Variants in APAF1 observed in about 807,000 individuals in gnomAD.
The protein encoded by APAF1 is apoptotic protease-activating factor 1.
In APAF1, 91 loss-of-function variants were observed where a neutral mutation model predicts 152.4. That is an observed-to-expected ratio of 0.60 (90% CI 0.50 to 0.71). The LOEUF (loss-of-function observed/expected upper bound fraction) is 0.71. Ranked by LOEUF, APAF1 falls within the 30% of genes least tolerant of loss-of-function variation. The pLI, the probability that APAF1 is intolerant of heterozygous loss-of-function variation, is 0.00. For synonymous variants in APAF1, 484 were observed against 494.1 expected (o/e 0.98, Z 0.27); for missense variants, 1,283 against 1,472.0 (o/e 0.87, Z 2.10).
At chr12:98,653,691 AATATATATATATATATATATAT>A (rs1346621120) in intron 4 of APAF1, among the ~76,000 whole-genome samples, 3 of 15,102 alleles carry the variant, frequency 2.0e-4, no homozygotes, top group South Asian at 3.1e-3. Context: ...AAAAAAAAAA[AATATATATATATATATATATAT>A]ATATATATAT....
chr12:98,669,898 C>CTG (rs1297708692), intron 10 of APAF1, among the ~76,000 whole-genome samples: 1 of 137,262 alleles, frequency 7.3e-6, no homozygotes, highest in Non-Finnish European at 1.5e-5. Context: ...TCCCCTCTTC[C>CTG]TGCCCTCCCC....
chr12:98,677,552 GTAAAACACATCTCT>G lies in APAF1; in HGVS notation c.1920+3_1920+16del, dbSNP rs2097687917. On this transcript the variant is annotated splice_donor_variant and splice_donor_5th_base_variant and intron_variant, in intron 13 of 26. Coordinates refer to ENST00000551964, the MANE Select transcript of APAF1 (RefSeq NM_181861.2). LOFTEE classifies it high-confidence loss of function. The stretch of plus-strand genomic sequence containing the variant: ...TTGTGGAGCTGATAAAACCTTACAG[GTAAAACACATCTCT>G]TGAGAAAAATGCAAAGAGGCATGTA... 6.2e-7 allele frequency: 1 copy of G among 1,613,986 alleles called. No individual in the cohort carries two copies. Among genetic ancestry groups the G allele is most frequent in the Admixed American group, 1.7e-5 (1 of 59,992 alleles).
intron 16 of APAF1, among the ~76,000 whole-genome samples, chr12:98,695,001 A>G (rs1353892480): frequency 6.8e-6 from 1 of 146,514 alleles, no homozygotes; most frequent in Non-Finnish European, 1.5e-5. Flanking sequence ...TTTGTCTTGA[A>G]CTGGTTGGGT....
intron 4 of APAF1, among the ~76,000 whole-genome samples, chr12:98,657,278 G>T (rs1180450433): frequency 6.6e-6 from 1 of 152,114 alleles, no homozygotes; most frequent in African/African-American, 2.4e-5. Context: ...TCCTCTCCTA[G>T]ACTTCAGCCA....
intron 20 of APAF1, 40 bp from the exon 21 acceptor site, chr12:98,712,279 C>A: frequency 8.4e-7 from 1 of 1,185,536 alleles, no homozygotes; most frequent in South Asian, 1.2e-5. Context: ...AAAAACTGCT[C>A]TTACAGCCTA....
At chr12:98,699,354 A>C (rs1163387382) in intron 16 of APAF1, 54 bp from the exon 17 acceptor site, 3 of 1,548,988 alleles carry the variant, frequency 1.9e-6, no homozygotes, top group Non-Finnish European at 2.6e-6. Context: ...AAATTCTAGA[A>C]GTGTGATTAT....
At chr12:98,721,554 A>G (rs960240226) in intron 22 of APAF1, among the ~76,000 whole-genome samples, 1 of 152,204 alleles carries the variant, frequency 6.6e-6, no homozygotes, top group Non-Finnish European at 1.5e-5. Context: ...TTGGGAAGCC[A>G]GAAATGCCTC....
At chr12:98,697,528 GTCA>G (rs1447047939) in intron 16 of APAF1, among the ~76,000 whole-genome samples, 3 of 152,158 alleles carry the variant, frequency 2.0e-5, no homozygotes, top group Non-Finnish European at 4.4e-5. Context: ...TTTTTAAAAA[GTCA>G]TCATTTGACA....
intron 4 of APAF1, among the ~76,000 whole-genome samples, chr12:98,653,143 A>T (rs1028559181): frequency 1.3e-5 from 2 of 151,970 alleles, no homozygotes; most frequent in African/African-American, 4.8e-5. Flanking sequence ...TATGTCCACT[A>T]ATTCAAGAAT....
At chr12:98,722,289 T>C (rs970307582) in intron 22 of APAF1, among the ~76,000 whole-genome samples, 1 of 152,218 alleles carries the variant, frequency 6.6e-6, no homozygotes, top group Non-Finnish European at 1.5e-5. Context: ...AACTTTTATC[T>C]CTATCATTGT....
Position 98,732,422 on chromosome 12 carries a change from G to C in APAF1, c.3603G>C (p.Trp1201Cys). The change falls in exon 27 of 27, where the codon TGG (tryptophan) becomes TGC (cysteine). Residue 1201 changes from tryptophan (W) to cysteine (C), a missense_variant and splice_region_variant. Physicochemically the swap from Trp to Cys is radical, Grantham distance 215. Transcript: ENST00000551964. ...MLISAGGYIK[W>C]WNVVTGESSQ... ...GAATTTTATTTTTCTCTGAACAGTG[G>C]TGGAACGTTGTCACTGGGGAATCCT... 6.2e-7 allele frequency: 1 copy of C among 1,613,254 alleles called. No homozygotes were observed. Among genetic ancestry groups the C allele is most frequent in the East Asian group, 2.2e-5 (1 of 44,884 alleles).
intron 11 of APAF1, 65 bp downstream of exon 11, chr12:98,671,151 T>A: frequency 9.9e-7 from 1 of 1,014,010 alleles, no homozygotes; most frequent in Non-Finnish European, 1.5e-6. Context: ...CATTTAATTC[T>A]AGATTTAATG....
chr12:98,649,753 A>G (rs971656175), intron 4 of APAF1, 69 bp downstream of exon 4: 52 of 1,339,856 alleles, frequency 3.9e-5, no homozygotes, highest in Middle Eastern at 4.4e-4. Context: ...TGATATATCA[A>G]TACGTGATAA....
intron 17 of APAF1, among the ~76,000 whole-genome samples, chr12:98,700,647 A>G (rs1307904705): frequency 6.6e-6 from 1 of 152,236 alleles, no homozygotes; most frequent in Non-Finnish European, 1.5e-5. Flanking sequence ...CATTTTAACC[A>G]TCTAAAAATG....
At chr12:98,706,453 G>C in intron 18 of APAF1, 32 bp from the exon 19 acceptor site, 1 of 1,613,372 alleles carries the variant, frequency 6.2e-7, no homozygotes, top group Non-Finnish European at 8.5e-7. Flanking sequence ...GCTTATGTAT[G>C]TGATTTCCTA....
intron 10 of APAF1, among the ~76,000 whole-genome samples, chr12:98,670,465 A>C (rs984049114): frequency 6.6e-6 from 1 of 152,008 alleles, no homozygotes; most frequent in Admixed American, 6.5e-5. Context: ...ATTTTCTATA[A>C]AAAATAATTT....
chr12:98,667,259 C>T (rs2097674180), intron 9 of APAF1, among the ~76,000 whole-genome samples: 1 of 151,710 alleles, frequency 6.6e-6, no homozygotes, highest in African/African-American at 2.4e-5. Context: ...CCACACCTGA[C>T]TGATTTTTTT....
chr12:98,699,698 C>G lies in APAF1; in HGVS notation c.2466+129C>G, dbSNP rs1443933527. 10 of 1,003,656 alleles carry G rather than the reference C, an allele frequency of 1.0e-5. No individual in the cohort carries two copies. The East Asian group carries it at 2.6e-4, about 26-fold the overall frequency. 62.2% of individuals were successfully genotyped at this position (1,003,656 alleles called of 1,614,324 possible). A position where few individuals can be genotyped will look rare whatever the true frequency, so the allele number is the denominator to read the frequency against. ...GTGTGATTTTGGGCAGTCTTCCTAA[C>G]CTGTCATGGTTCTTTGGAACTGTGC... On this transcript the variant is annotated intron_variant, in intron 17 of 26. Transcript: ENST00000551964.
At chr12:98,662,855 T>A (rs765587353) in intron 7 of APAF1, 49 bp downstream of exon 7, 1 of 1,556,442 alleles carries the variant, frequency 6.4e-7, no homozygotes, top group East Asian at 2.3e-5. Flanking sequence ...GTTATATAAT[T>A]TCCCTTTTGT....
Sources: gnomAD v4.1 joint callset for allele counts (sites outside exome capture counted in the v4.1 genomes callset) on GRCh38, gnomAD v4.1.1 for gene constraint, MANE v1.5 for transcripts, NCBI Gene and HGNC (gene_info 2026-07-23, HGNC 2026-07-21) for gene names.